Variants in PDZD2 observed in about 807,000 individuals in gnomAD.
The protein encoded by PDZD2 is PDZ domain containing 2.
PDZD2 carries 90 observed loss-of-function variants against 220.7 expected under a neutral mutation model. The ratio of observed to expected loss-of-function variants is 0.41; its 90% CI spans 0.34 to 0.49. The LOEUF (loss-of-function observed/expected upper bound fraction) is 0.49, where lower values mean the gene tolerates loss of function less well. PDZD2 is among the 20% of genes least tolerant of loss of function. The pLI is 0.28. For missense variants in PDZD2, 3,174 were observed against 3,608.5 expected (o/e 0.88, Z 3.08); for synonymous variants, 1,375 against 1,450.5 (o/e 0.95, Z 1.18).
intron 2 of PDZD2, among the ~76,000 whole-genome samples, chr5:31,815,762 A>C (rs1755410459): frequency 6.6e-6 from 1 of 152,200 alleles, no homozygotes; most frequent in Non-Finnish European, 1.5e-5. Context: ...TTACATATGA[A>C]TGTATTAAAT....
At chr5:31,979,177 A>T (rs947621612) in intron 2 of PDZD2, among the ~76,000 whole-genome samples, 1 of 152,238 alleles carries the variant, frequency 6.6e-6, no homozygotes, top group African/African-American at 2.4e-5. Flanking sequence ...TAAAAAGTAG[A>T]TTCCCAAAAA....
chr5:31,727,644 G>A (rs1198824263), intron 1 of PDZD2, among the ~76,000 whole-genome samples: 3 of 147,164 alleles, frequency 2.0e-5, no homozygotes, highest in East Asian at 2.0e-4. Flanking sequence ...AGGTTGCAGT[G>A]AGCCGAGATC....
At chr5:31,925,812 A>C (rs1040298291) in intron 2 of PDZD2, among the ~76,000 whole-genome samples, 3 of 152,156 alleles carry the variant, frequency 2.0e-5, no homozygotes, top group Admixed American at 2.0e-4. Context: ...ACAGGAAAAG[A>C]CATTTCTCAG....
At chr5:31,834,887 A>T (rs1187171357) in intron 2 of PDZD2, among the ~76,000 whole-genome samples, 1 of 149,422 alleles carries the variant, frequency 6.7e-6, no homozygotes, top group Non-Finnish European at 1.5e-5. Context: ...GTATAATAAA[A>T]ATATATATAT....
chr5:31,972,277 C>T (rs1749370754), intron 2 of PDZD2, among the ~76,000 whole-genome samples: 1 of 152,100 alleles, frequency 6.6e-6, no homozygotes, highest in Non-Finnish European at 1.5e-5. Context: ...CTGCACCTGC[C>T]TAATTTTTGT....
intron 2 of PDZD2, among the ~76,000 whole-genome samples, chr5:31,865,621 CTTTTTTTTTTTTTTTTT>C (rs776271275): frequency 1.0e-4 from 7 of 67,776 alleles, no homozygotes; most frequent in East Asian, 4.7e-4. Context: ...CTACTGGCAA[CTTTTTTTTTTTTTTTTT>C]TTTTTTTTTT....
At chr5:31,909,663 T>C (rs1331740195) in intron 2 of PDZD2, among the ~76,000 whole-genome samples, 1 of 152,206 alleles carries the variant, frequency 6.6e-6, no homozygotes, top group Non-Finnish European at 1.5e-5. Context: ...TACAGTGATA[T>C]ACATGAAATA....
chr5:31,961,353 G>C (rs116429290), intron 2 of PDZD2, among the ~76,000 whole-genome samples: 1 of 120,710 alleles, frequency 8.3e-6, no homozygotes. Flanking sequence ...GAAACATGGC[G>C]AAACTCCGTC....
intron 1 of PDZD2, among the ~76,000 whole-genome samples, chr5:31,727,662 T>C (rs1239449786): frequency 1.5e-5 from 2 of 133,924 alleles, no homozygotes; most frequent in Non-Finnish European, 1.6e-5. Flanking sequence ...ATCGTGCCAT[T>C]GCACTCCAAC....
chr5:31,995,062 C>T (rs537852399), intron 3 of PDZD2, among the ~76,000 whole-genome samples: 1 of 152,276 alleles, frequency 6.6e-6, no homozygotes, highest in East Asian at 1.9e-4. Context: ...CTTTGCCTTC[C>T]TTTCATCTTT....
intron 1 of PDZD2, among the ~76,000 whole-genome samples, chr5:31,721,854 A>G (rs987221656): frequency 6.6e-6 from 1 of 152,132 alleles, no homozygotes; most frequent in Non-Finnish European, 1.5e-5. Flanking sequence ...ATCGGTTTAC[A>G]GAGCTGGTAT....
chr5:31,648,810 T>G (rs1745230103), intron 1 of PDZD2, among the ~76,000 whole-genome samples: 1 of 152,162 alleles, frequency 6.6e-6, no homozygotes, highest in Admixed American at 6.5e-5. Flanking sequence ...CATAGTTCAT[T>G]TGTTACAGTC....
rs1017402924 is a variant in PDZD2, at chr5:31,693,310, C to T, written c.-361+53873C>T. On this transcript the variant is annotated intron_variant, in intron 1 of 24. Coordinates refer to ENST00000438447, the MANE Select transcript of PDZD2 (RefSeq NM_178140.4). ...AGGCTGAAGTGCAGTGGTACGATCTCGGCTCACTGCAACCTCCGCCTCCCG... is the reference window on the plus strand; with the variant it reads ...AGGCTGAAGTGCAGTGGTACGATCTTGGCTCACTGCAACCTCCGCCTCCCG... Among the ~76,000 whole-genome samples, 146 of 145,916 alleles carry T rather than the reference C, an allele frequency of 1.0e-3. 1 individual carries two copies. Among genetic ancestry groups the T allele is most frequent in the Non-Finnish European group, 2.4e-4 (16 of 67,158 alleles).
chr5:31,868,557 T>C (rs1738444745), intron 2 of PDZD2, among the ~76,000 whole-genome samples: 2 of 152,102 alleles, frequency 1.3e-5, no homozygotes, highest in Non-Finnish European at 2.9e-5. Flanking sequence ...CACTCCCTCA[T>C]AGGTTCATGG....
intron 1 of PDZD2, among the ~76,000 whole-genome samples, chr5:31,651,189 CCCGTAACTGTAGGTTGGGCT>C (rs780089829): frequency 0.076 from 11,528 of 152,184 alleles, 638 homozygotes; most frequent in African/African-American, 0.15. Context: ...ATGTCCAAGA[CCCGTAACTGTAGGTTGGGCT>C]TTTATTCATA....
intron 6 of PDZD2, among the ~76,000 whole-genome samples, chr5:32,014,535 C>G (rs7715364): frequency 6.6e-6 from 1 of 152,026 alleles, no homozygotes; most frequent in Admixed American, 6.6e-5. Context: ...GGCTCGCCGT[C>G]TGCCACGACT....
chr5:31,786,770 T>C (rs991700102), intron 1 of PDZD2, among the ~76,000 whole-genome samples: 1 of 152,196 alleles, frequency 6.6e-6, no homozygotes, highest in African/African-American at 2.4e-5. Flanking sequence ...ATGACTTGCC[T>C]GGGGCCGTAC....
chr5:32,002,968 A>ATGC, intron 5 of PDZD2, among the ~76,000 whole-genome samples: 1 of 72,412 alleles, frequency 1.4e-5, no homozygotes, highest in African/African-American at 5.4e-5. Context: ...ACACACACCA[A>ATGC]CACACACACA....
intron 2 of PDZD2, among the ~76,000 whole-genome samples, chr5:31,804,411 C>G (rs1386260043): frequency 6.6e-6 from 1 of 152,166 alleles, no homozygotes; most frequent in East Asian, 1.9e-4. Flanking sequence ...TTTTTCACTC[C>G]CTACTTCTCT....
Sources: gnomAD v4.1 joint callset for allele counts (sites outside exome capture counted in the v4.1 genomes callset) on GRCh38, gnomAD v4.1.1 for gene constraint, MANE v1.5 for transcripts, NCBI Gene and HGNC (gene_info 2026-07-23, HGNC 2026-07-21) for gene names.